ZNF385D: variants seen among roughly 807,000 people sequenced by gnomAD.
ZNF385D encodes zinc finger protein 659.
A neutral mutation model predicts 35.8 loss-of-function variants in ZNF385D; 15 were observed. That is an observed-to-expected ratio of 0.42 (90% CI 0.28 to 0.64). The LOEUF is 0.64. Ranked by LOEUF, ZNF385D falls within the 30% of genes least tolerant of loss-of-function variation. ZNF385D has a pLI of 0.23. For synonymous variants in ZNF385D, 212 were observed against 186.8 expected, an observed-to-expected ratio of 1.13 and a Z score of -1.10; for missense variants, 474 against 494.6, an observed-to-expected ratio of 0.96 and a Z score of 0.39.
At chr3:21,600,613 T>G (rs2064256103) in intron 2 of ZNF385D, among the ~76,000 whole-genome samples, 1 of 152,120 alleles carries the variant, frequency 6.6e-6, no homozygotes, top group African/African-American at 2.4e-5. Context: ...GAATGCAAAT[T>G]TAAAGCTGAT....
intron 3 of ZNF385D, among the ~76,000 whole-genome samples, chr3:21,975,651 CA>C (rs1310262501): frequency 6.7e-6 from 1 of 148,636 alleles, no homozygotes; most frequent in Non-Finnish European, 1.5e-5. Context: ...CAAAATACCT[CA>C]TGTGCCCTCT....
rs75664675 is a variant in ZNF385D at position 21,995,095 on chromosome 3, G to C, written c.325+173722C>G. On this transcript the variant is annotated intron_variant, in intron 3 of 5. Transcript: ENST00000494108. The stretch of plus-strand genomic sequence containing the variant: ...GGATAGGTCGTCAGGCCCCTGGGCA[G>C]TGTGCATGACATCATTTATATCAGT... 7.2e-3 allele frequency among the ~76,000 whole-genome samples: 1,093 copies of C among 152,328 alleles called. 22 individuals are homozygous for C. The highest frequency in any genetic ancestry group is 0.024 in the African/African-American group (1,009 of 41,572).
chr3:21,793,507 T>C (rs1488395827), intron 3 of ZNF385D, among the ~76,000 whole-genome samples: 2 of 151,972 alleles, frequency 1.3e-5, no homozygotes, highest in Non-Finnish European at 2.9e-5. Context: ...ACAAGATCCC[T>C]CTGTGATTTG....
chr3:21,753,944 T>C (rs974485507), upstream of ZNF385D, among the ~76,000 whole-genome samples: 4 of 152,176 alleles, frequency 2.6e-5, no homozygotes, highest in Non-Finnish European at 5.9e-5. Context: ...GTATTTGTTT[T>C]TATGTACCTG....
intron 2 of ZNF385D, among the ~76,000 whole-genome samples, chr3:22,302,595 T>C (rs1461617445): frequency 1.3e-5 from 2 of 151,984 alleles, no homozygotes; most frequent in Non-Finnish European, 2.9e-5. Flanking sequence ...TTTGCTCTCC[T>C]ATTAAAATTA....
intron 3 of ZNF385D, among the ~76,000 whole-genome samples, chr3:22,132,430 T>G (rs13082973): frequency 6.6e-6 from 1 of 152,032 alleles, no homozygotes; most frequent in Non-Finnish European, 1.5e-5. Context: ...TATTTTGTAA[T>G]AGCAGTTCAA....
intron 2 of ZNF385D, among the ~76,000 whole-genome samples, chr3:22,265,429 A>G (rs533481671): frequency 5.9e-4 from 90 of 152,012 alleles, no homozygotes; most frequent in Non-Finnish European, 1.1e-3. Flanking sequence ...AACTCTTTGT[A>G]TCTAAATAAT....
chr3:21,549,868 T>C (rs2062507255), intron 3 of ZNF385D, among the ~76,000 whole-genome samples: 1 of 152,202 alleles, frequency 6.6e-6, no homozygotes, highest in Non-Finnish European at 1.5e-5. Context: ...GAAGATCCTT[T>C]GGGATGCAGC....
intron 3 of ZNF385D, among the ~76,000 whole-genome samples, chr3:21,844,186 T>G (rs1333288616): frequency 6.6e-6 from 1 of 151,948 alleles, no homozygotes; most frequent in African/African-American, 2.4e-5. Context: ...CAAGTAAGAT[T>G]TAGTACATTT....
chr3:21,663,853 A>G (rs894892540), intron 2 of ZNF385D, among the ~76,000 whole-genome samples: 8 of 132,546 alleles, frequency 6.0e-5, no homozygotes, highest in Admixed American at 1.7e-4. Context: ...AATAAGACCC[A>G]CTGCTATCTC....
chr3:22,039,102 G>T (rs1339165660), intron 3 of ZNF385D, among the ~76,000 whole-genome samples: 1 of 151,684 alleles, frequency 6.6e-6, no homozygotes, highest in African/African-American at 2.4e-5. Context: ...TGCAGACCAT[G>T]TGAACGAGCC....
chr3:21,920,862 A>G (rs1358524881), intron 3 of ZNF385D, among the ~76,000 whole-genome samples: 1 of 152,158 alleles, frequency 6.6e-6, no homozygotes, highest in Non-Finnish European at 1.5e-5. Context: ...ACTTCAATAC[A>G]TGCAAACTTT....
chr3:22,010,387 C>T (rs1299272697), intron 3 of ZNF385D, among the ~76,000 whole-genome samples: 1 of 152,172 alleles, frequency 6.6e-6, no homozygotes. Flanking sequence ...TCTGCCTTAT[C>T]AAGAAACAAA....
At chr3:22,073,340 A>T (rs541742645) in intron 3 of ZNF385D, among the ~76,000 whole-genome samples, 1 of 151,954 alleles carries the variant, frequency 6.6e-6, no homozygotes, top group Admixed American at 6.6e-5. Context: ...GAAAAAAAAA[A>T]AAAGGAAATT....
intron 3 of ZNF385D, among the ~76,000 whole-genome samples, chr3:22,089,263 C>T (rs1315150206): frequency 6.6e-6 from 1 of 152,124 alleles, no homozygotes; most frequent in Non-Finnish European, 1.5e-5. Context: ...TCTATACTTG[C>T]TTGGAAAAAT....
intron 3 of ZNF385D, among the ~76,000 whole-genome samples, chr3:22,009,106 A>T (rs1333068197): frequency 1.3e-5 from 2 of 152,240 alleles, no homozygotes; most frequent in African/African-American, 2.4e-5. Flanking sequence ...TAGAGAGCAC[A>T]TTGTAATATC....
intron 2 of ZNF385D, among the ~76,000 whole-genome samples, chr3:22,270,527 T>C (rs36022905): frequency 1.2e-3 from 181 of 152,144 alleles, no homozygotes; most frequent in Middle Eastern, 3.4e-3. Context: ...ATAGTAACTA[T>C]TCCTCATTTT....
At chr3:22,340,200 A>G (rs550875333) in intron 2 of ZNF385D, among the ~76,000 whole-genome samples, 3 of 152,340 alleles carry the variant, frequency 2.0e-5, no homozygotes, top group African/African-American at 7.2e-5. Context: ...AATTAAATAT[A>G]AATTATAACC....
At chr3:21,642,796 C>G (rs1232704881) in intron 2 of ZNF385D, among the ~76,000 whole-genome samples, 1 of 152,092 alleles carries the variant, frequency 6.6e-6, no homozygotes, top group Non-Finnish European at 1.5e-5. Context: ...ACACAGGCCA[C>G]AAAATGGGTG....
Sources: allele counts gnomAD v4.1 joint callset (sites outside exome capture counted in the v4.1 genomes callset), GRCh38; gene constraint gnomAD v4.1.1; transcripts MANE v1.5; gene names NCBI Gene and HGNC (gene_info 2026-07-23, HGNC 2026-07-21).